NRG1: variants seen among roughly 807,000 people sequenced by gnomAD.
NRG1 encodes the protein pro-neuregulin-1, membrane-bound isoform.
A neutral mutation model predicts 63.8 loss-of-function variants in NRG1; 18 were observed. That is an observed-to-expected ratio of 0.28 (90% CI 0.19 to 0.42). The LOEUF (loss-of-function observed/expected upper bound fraction) is 0.42. Among genes scored for constraint, NRG1 ranks in the 10% least tolerant of loss-of-function variants. The pLI is 1.00. For synonymous variants in NRG1, 302 were observed against 301.3 expected (o/e 1.00, Z -0.02); for missense variants, 762 against 814.7 (o/e 0.94, Z 0.79).
chr8:32,118,570 C>T (rs570680954), intron 1 of NRG1, among the ~76,000 whole-genome samples: 8 of 152,134 alleles, frequency 5.3e-5, no homozygotes, highest in East Asian at 1.9e-4. Flanking sequence ...TACAAATGGA[C>T]GAAGACAGTA....
chr8:32,310,439 G>A (rs1177376518), intron 1 of NRG1, among the ~76,000 whole-genome samples: 1 of 152,200 alleles, frequency 6.6e-6, no homozygotes, highest in Non-Finnish European at 1.5e-5. Flanking sequence ...CACAAGGAAA[G>A]TATGTGCCCA....
At chr8:32,217,282 A>G (rs1194142659) in intron 1 of NRG1, among the ~76,000 whole-genome samples, 1 of 151,552 alleles carries the variant, frequency 6.6e-6, no homozygotes, top group Non-Finnish European at 1.5e-5. Context: ...GAGCCCAGAA[A>G]TTCTGATTTA....
intron 9 of NRG1, 108 bp from the exon 10 acceptor site, chr8:32,759,198 T>C (rs1830237370): frequency 2.4e-6 from 3 of 1,243,986 alleles, no homozygotes; most frequent in African/African-American, 3.0e-5. Context: ...CAAAAATAGA[T>C]TTGTGTGTTT....
chr8:32,156,696 A>G (rs7007589), intron 1 of NRG1, among the ~76,000 whole-genome samples: 13,288 of 152,272 alleles, frequency 0.087, 1,367 homozygotes, highest in African/African-American at 0.25. Context: ...CTAACAGGAT[A>G]GGAAGTTCAG....
intron 1 of NRG1, among the ~76,000 whole-genome samples, chr8:32,146,164 G>A (rs982249897): frequency 3.3e-5 from 5 of 152,166 alleles, no homozygotes; most frequent in African/African-American, 1.2e-4. Flanking sequence ...GCACATTTCT[G>A]TATTAAACTA....
intron 5 of NRG1, among the ~76,000 whole-genome samples, chr8:32,725,342 C>T (rs113397273): frequency 1.3e-4 from 19 of 151,982 alleles, no homozygotes; most frequent in African/African-American, 4.6e-4. Context: ...CACAGGTGGC[C>T]CATTCAGCAC....
At chr8:31,824,309 A>G (rs1176355911) in intron 1 of NRG1, among the ~76,000 whole-genome samples, 1 of 151,910 alleles carries the variant, frequency 6.6e-6, no homozygotes, top group African/African-American at 2.4e-5. Context: ...TTTGCTGAGA[A>G]TGATGGTTTC....
chr8:31,960,091 T>A (rs1482788716), intron 1 of NRG1, among the ~76,000 whole-genome samples: 1 of 152,042 alleles, frequency 6.6e-6, no homozygotes, highest in Non-Finnish European at 1.5e-5. Flanking sequence ...CTAATCCAAG[T>A]GAAAAATCAT....
At chr8:31,887,264 T>C (rs1287478197) in intron 1 of NRG1, among the ~76,000 whole-genome samples, 2 of 151,990 alleles carry the variant, frequency 1.3e-5, no homozygotes, top group African/African-American at 4.8e-5. Context: ...CAAACATACA[T>C]AAGAGAAAAG....
intron 1 of NRG1, among the ~76,000 whole-genome samples, chr8:32,127,528 C>CGTGTGTGTGT (rs3084577): frequency 0.037 from 5,483 of 146,312 alleles, 133 homozygotes; most frequent in South Asian, 0.061. Flanking sequence ...TGTATCTGCA[C>CGTGTGTGTGT]GTGTGTGTGT....
At chr8:32,391,658 T>C (rs1451434630) in intron 1 of NRG1, among the ~76,000 whole-genome samples, 1 of 152,216 alleles carries the variant, frequency 6.6e-6, no homozygotes, top group East Asian at 1.9e-4. Context: ...AATGATGGCC[T>C]CTAACTCCAT....
intron 1 of NRG1, among the ~76,000 whole-genome samples, chr8:32,188,112 G>T (rs1297245613): frequency 6.6e-6 from 1 of 151,892 alleles, no homozygotes; most frequent in Non-Finnish European, 1.5e-5. Context: ...GATTTCCCAG[G>T]CTGGAGTGCA....
At chr8:31,818,267 A>C (rs1177242218) in intron 1 of NRG1, among the ~76,000 whole-genome samples, 1 of 152,138 alleles carries the variant, frequency 6.6e-6, no homozygotes, top group Non-Finnish European at 1.5e-5. Context: ...TGACATGAGG[A>C]TTTCTGGGTT....
intron 1 of NRG1, among the ~76,000 whole-genome samples, chr8:32,000,927 T>C (rs921385806): frequency 2.0e-5 from 3 of 152,050 alleles, no homozygotes; most frequent in Non-Finnish European, 4.4e-5. Context: ...GTTTTCACTA[T>C]TATAAATACC....
At chr8:32,341,477 T>C (rs970798058) in intron 1 of NRG1, among the ~76,000 whole-genome samples, 3 of 152,190 alleles carry the variant, frequency 2.0e-5, no homozygotes, top group African/African-American at 7.2e-5. Flanking sequence ...CATTTCGCCT[T>C]GGGATCTTCA....
At chr8:31,705,281 T>C (rs1293998468) in intron 1 of NRG1, among the ~76,000 whole-genome samples, 5 of 152,064 alleles carry the variant, frequency 3.3e-5, no homozygotes, top group African/African-American at 4.8e-5. Flanking sequence ...CTCCTGACCT[T>C]GTGATCCACC....
intron 1 of NRG1, among the ~76,000 whole-genome samples, chr8:32,123,077 C>A (rs185860914): frequency 2.0e-5 from 3 of 151,902 alleles, no homozygotes; most frequent in Admixed American, 6.6e-5. Flanking sequence ...GTATTGAAGT[C>A]CCCATGAGAA....
intron 1 of NRG1, among the ~76,000 whole-genome samples, chr8:31,729,695 A>T (rs888562030): frequency 2.0e-5 from 3 of 152,162 alleles, no homozygotes; most frequent in Non-Finnish European, 4.4e-5. Context: ...ATCAGAATAC[A>T]TACTATGTAA....
chr8:31,686,759 GTTGTTTTTGTTT>G (rs142383228), intron 1 of NRG1, among the ~76,000 whole-genome samples: 3 of 151,468 alleles, frequency 2.0e-5, no homozygotes, highest in Non-Finnish European at 2.9e-5. Flanking sequence ...GGTCTTTTTT[GTTGTTTTTGTTT>G]TTGTTTTTGT....
Sources: gnomAD v4.1 joint callset for allele counts (sites outside exome capture counted in the v4.1 genomes callset) on GRCh38, gnomAD v4.1.1 for gene constraint, MANE v1.5 for transcripts, NCBI Gene and HGNC (gene_info 2026-07-23, HGNC 2026-07-21) for gene names.